The following JPH3 variants were observed in gnomAD, a reference collection of about 807,000 sequenced individuals.
JPH3 encodes junctophilin 3.
In JPH3, 11 loss-of-function variants were observed where a neutral mutation model predicts 59.6. The ratio of observed to expected loss-of-function variants is 0.18; its 90% CI spans 0.12 to 0.31. The LOEUF (loss-of-function observed/expected upper bound fraction) is 0.31. JPH3 is among the 10% of genes least tolerant of loss of function. The pLI is 1.00. For synonymous variants in JPH3, 673 were observed against 483.6 expected, an observed-to-expected ratio of 1.39 and a Z score of -5.14; for missense variants, 1,202 against 1,105.7, an observed-to-expected ratio of 1.09 and a Z score of -1.24.
At chr16:87,643,891 G>T (rs1297301219) in intron 1 of JPH3, among the ~76,000 whole-genome samples, 2 of 152,158 alleles carry the variant, frequency 1.3e-5, no homozygotes, top group African/African-American at 2.4e-5. Flanking sequence ...TGTAATCACA[G>T]CACTTCTGGA....
chr16:87,682,986 A>G (rs1268986311), intron 2 of JPH3, among the ~76,000 whole-genome samples: 1 of 152,256 alleles, frequency 6.6e-6, no homozygotes, highest in East Asian at 1.9e-4. Flanking sequence ...CAGCAGAGGG[A>G]GAGACACAGT....
chr16:87,695,140 A>T (rs1391170988), intron 4 of JPH3: 1 of 359,452 alleles, frequency 2.8e-6, no homozygotes, highest in African/African-American at 2.2e-5. Flanking sequence ...AGCCAGCAGC[A>T]GCTGCTTCGT....
chr16:87,618,392 A>C (rs574458544), intron 1 of JPH3, among the ~76,000 whole-genome samples: 156 of 152,280 alleles, frequency 1.0e-3, no homozygotes, highest in African/African-American at 3.5e-3. Context: ...GGATGAGGAC[A>C]CAACACTGGC....
chr16:87,692,059 G>T (rs1389934421), intron 4 of JPH3, among the ~76,000 whole-genome samples: 1 of 152,116 alleles, frequency 6.6e-6, no homozygotes, highest in Non-Finnish European at 1.5e-5. Flanking sequence ...TGCTGCCCTG[G>T]TCCTGCCCGG....
intron 2 of JPH3, among the ~76,000 whole-genome samples, chr16:87,671,157 G>C (rs867446610): frequency 6.6e-6 from 1 of 152,174 alleles, no homozygotes; most frequent in South Asian, 2.1e-4. Context: ...CGAGACAATG[G>C]GGTATGTGCG....
intron 3 of JPH3, among the ~76,000 whole-genome samples, chr16:87,686,519 T>G (rs1045794430): frequency 1.4e-5 from 2 of 146,802 alleles, no homozygotes; most frequent in African/African-American, 5.1e-5. Flanking sequence ...CAGAGATGTT[T>G]CCCGGAGGGC....
At chr16:87,618,820 T>G (rs1316079093) in intron 1 of JPH3, among the ~76,000 whole-genome samples, 5 of 152,076 alleles carry the variant, frequency 3.3e-5, no homozygotes, top group Admixed American at 3.3e-4. Flanking sequence ...CCGGGCGCAG[T>G]GCTCACACCT....
At chr16:87,687,703 C>T (rs1230095876) in intron 3 of JPH3, among the ~76,000 whole-genome samples, 1 of 152,252 alleles carries the variant, frequency 6.6e-6, no homozygotes, top group Non-Finnish European at 1.5e-5. Context: ...GTTACCTGCT[C>T]AGCAGCTCAT....
At chr16:87,666,922 G>C (rs542353693) in intron 2 of JPH3, among the ~76,000 whole-genome samples, 11 of 152,340 alleles carry the variant, frequency 7.2e-5, no homozygotes, top group Non-Finnish European at 1.6e-4. Context: ...GTCGGCTCCT[G>C]GGCCTGTGTG....
rs2033504355 is a variant in JPH3 at position 87,689,538 on chromosome 16, G to A, written c.1286-108G>A. On this transcript the variant is annotated intron_variant, in intron 3 of 4. Transcript: ENST00000284262. Reference sequence around the variant, plus strand: ...TGCAGCCTTTCGGTGAGTGGGAAGCGCCTCTGCTGCCCTGAGGTTCCCTCT... The same window carrying A: ...TGCAGCCTTTCGGTGAGTGGGAAGCACCTCTGCTGCCCTGAGGTTCCCTCT... The A allele has an allele frequency of 4.2e-5, 50 of 1,184,440 alleles. No individual in the cohort carries two copies. The South Asian group carries it at 6.5e-4, about 15-fold the overall frequency. The allele number at this position is 1,184,440 out of a possible 1,614,324, so 73.4% of individuals were successfully genotyped here. A position where few individuals can be genotyped will look rare whatever the true frequency, so the allele number is the denominator to read the frequency against.
At position 87,644,677 on chromosome 16, in the gene JPH3, G is replaced by C; in HGVS notation, c.802G>C (p.Glu268Gln). The C allele has an allele frequency of 6.2e-7, 1 of 1,611,918 alleles. No individual in the cohort carries two copies. Among genetic ancestry groups the C allele is most frequent in the African/African-American group, 1.3e-5 (1 of 75,012 alleles). The part of the protein sequence containing the change: ...SDIHSTISLG[E>Q]AEAELAVIED... The stretch of plus-strand genomic sequence containing the variant: ...CATCCACTCCACCATCAGCCTGGGC[G>C]AGGCTGAGGCCGAGCTGGCGGTCAT... The change falls in exon 2 of 5, where the codon GAG (glutamate) becomes CAG (glutamine). Residue 268 changes from glutamate (E) to glutamine (Q), a missense_variant. Glu to Gln is a conservative substitution (Grantham distance 29). Transcript: ENST00000284262.
chr16:87,696,426 G>A (rs568756897), intron 4 of JPH3, 154 bp from the exon 5 acceptor site: 26 of 645,924 alleles, frequency 4.0e-5, no homozygotes, highest in South Asian at 4.0e-4. Context: ...AGGTTCTGGT[G>A]GGCCTTTGGT....
chr16:87,683,095 G>A (rs980713569), intron 2 of JPH3, among the ~76,000 whole-genome samples: 2 of 152,224 alleles, frequency 1.3e-5, no homozygotes, highest in Non-Finnish European at 2.9e-5. Flanking sequence ...GGCTGGGTGA[G>A]GGAACTGCCC....
At chr16:87,626,600 C>T (rs1361941710) in intron 1 of JPH3, among the ~76,000 whole-genome samples, 7 of 152,252 alleles carry the variant, frequency 4.6e-5, no homozygotes, top group East Asian at 1.9e-4. Flanking sequence ...AGCCACACCC[C>T]GAGTGGGCGG....
At chr16:87,640,285 C>T (rs759387556) in intron 1 of JPH3, among the ~76,000 whole-genome samples, 1 of 151,168 alleles carries the variant, frequency 6.6e-6, no homozygotes, top group Non-Finnish European at 1.5e-5. Flanking sequence ...GCTGAGATCG[C>T]GCTACTGCAC....
chr16:87,658,413 CCT>C (rs10537892), intron 2 of JPH3, among the ~76,000 whole-genome samples: 4,446 of 141,960 alleles, frequency 0.031, 226 homozygotes, highest in African/African-American at 0.11. Flanking sequence ...TCTGTCCCTC[CCT>C]CTCTTTTCCT....
At chr16:87,613,310 A>C (rs1029221974) in intron 1 of JPH3, among the ~76,000 whole-genome samples, 1 of 151,510 alleles carries the variant, frequency 6.6e-6, no homozygotes, top group East Asian at 2.0e-4. Flanking sequence ...CGTGTTAGCC[A>C]GGATGGTCTC....
chr16:87,625,634 G>A (rs1567586996), intron 1 of JPH3, among the ~76,000 whole-genome samples: 1 of 152,180 alleles, frequency 6.6e-6, no homozygotes, highest in Non-Finnish European at 1.5e-5. Flanking sequence ...TGGGGGAGAC[G>A]TGAGGATCTA....
intron 2 of JPH3, among the ~76,000 whole-genome samples, chr16:87,673,159 AG>A (rs886540059): frequency 2.6e-4 from 40 of 152,038 alleles, no homozygotes; most frequent in African/African-American, 8.9e-4. Flanking sequence ...AAAAAAAAAA[AG>A]TTTAAATGTA....
Sources: gnomAD v4.1 joint callset for allele counts (sites outside exome capture counted in the v4.1 genomes callset) on GRCh38, gnomAD v4.1.1 for gene constraint, MANE v1.5 for transcripts, NCBI Gene and HGNC (gene_info 2026-07-23, HGNC 2026-07-21) for gene names.